ASTN2: variants seen among roughly 807,000 people sequenced by gnomAD.
ASTN2 encodes astrotactin 2.
Under a neutral mutation model 139.8 loss-of-function variants are expected in ASTN2, and 54 were observed. The ratio of observed to expected loss-of-function variants is 0.39; its 90% confidence interval spans 0.31 to 0.48. ASTN2 has a LOEUF of 0.48. Among genes scored for constraint, ASTN2 ranks in the 20% least tolerant of loss-of-function variants. The probability of loss-of-function intolerance (pLI) is 0.95; values close to 1 mark genes in which losing one functional copy is unlikely to be tolerated. For missense variants in ASTN2, 1,565 were observed against 1,725.1 expected (o/e 0.91, Z 1.64); for synonymous variants, 756 against 719.5 (o/e 1.05, Z -0.81).
chr9:117,163,870 G>A (rs1830608722), intron 3 of ASTN2, among the ~76,000 whole-genome samples: 1 of 151,988 alleles, frequency 6.6e-6, no homozygotes, highest in East Asian at 1.9e-4. Context: ...ATGTGTGATT[G>A]CTACCAATTG....
rs191031306 is a variant in ASTN2, at chr9:116,743,317, G to A, written c.2397-9794C>T. ...TGTAATCCCAGCACTTTGGGAGGCC[G>A]AGGCAGGCAGATCTTGAGGTCAGGA... On this transcript the variant is annotated intron_variant, in intron 13 of 22. Transcript: ENST00000313400. Among the ~76,000 whole-genome samples the A allele has an allele frequency of 3.7e-3, 560 of 152,266 alleles. 4 individuals are homozygous for A. Among genetic ancestry groups the A allele is most frequent in the African/African-American group, 0.013 (527 of 41,570 alleles).
intron 2 of ASTN2, among the ~76,000 whole-genome samples, chr9:117,236,655 G>A (rs1833053646): frequency 6.6e-6 from 1 of 152,126 alleles, no homozygotes; most frequent in South Asian, 2.1e-4. Flanking sequence ...ATGGATAGAT[G>A]GATGGACAGA....
At chr9:117,177,379 C>T (rs181863694) in intron 3 of ASTN2, among the ~76,000 whole-genome samples, 92 of 152,208 alleles carry the variant, frequency 6.0e-4, no homozygotes, top group Non-Finnish European at 1.3e-3. Context: ...GTGGAGAAAC[C>T]TGGAACAGAA....
intron 19 of ASTN2, among the ~76,000 whole-genome samples, chr9:116,599,082 T>C (rs989544027): frequency 1.3e-5 from 2 of 152,154 alleles, no homozygotes; most frequent in Admixed American, 6.5e-5. Flanking sequence ...GAAGTTAATG[T>C]AGTGGGTTGG....
chr9:116,823,808 T>C (rs928685651), intron 11 of ASTN2, among the ~76,000 whole-genome samples: 1 of 152,200 alleles, frequency 6.6e-6, no homozygotes, highest in Non-Finnish European at 1.5e-5. Flanking sequence ...CCTAAGTACA[T>C]GAAGTGGGTT....
Position 117,226,801 on chromosome 9 carries a change from C to T in ASTN2, c.631-12059G>A, listed in dbSNP as rs534681955. 2.0e-5 allele frequency among the ~76,000 whole-genome samples: 3 copies of T among 152,246 alleles called. No individual in the cohort carries two copies. In the East Asian group the frequency reaches 5.8e-4, roughly 29 times the overall value. On this transcript the variant is annotated intron_variant, in intron 2 of 22. Coordinates refer to ENST00000313400, the MANE Select transcript of ASTN2 (RefSeq NM_001365068.1). ...GCTGCTACAATCATCTTGAAATGTT[C>T]GGTGTGTCTGGAGAGTCGGCAGAAT...
Position 116,699,292 on chromosome 9 carries a change from A to T in ASTN2, c.2806+26479T>A. ...TGCCTATGTAGTGCTGTGCGGCCCA[A>T]ATTTGTCACCTGTGATGCTGAGGGC... is the stretch of plus-strand genomic sequence containing the variant. On this transcript the variant is annotated intron_variant, in intron 16 of 22. Coordinates refer to ENST00000313400, the MANE Select transcript of ASTN2 (RefSeq NM_001365068.1). The surrounding 1 kb of genome is among the most constrained non-coding windows in gnomAD (Gnocchi z 4.2). The T allele has an allele frequency of 6.2e-7, 1 of 1,614,190 alleles. No homozygotes were observed. Among genetic ancestry groups the T allele is most frequent in the Non-Finnish European group, 8.5e-7 (1 of 1,180,046 alleles).
intron 2 of ASTN2, among the ~76,000 whole-genome samples, chr9:117,238,800 G>A (rs962099180): frequency 7.2e-5 from 11 of 152,180 alleles, no homozygotes; most frequent in African/African-American, 2.7e-4. Context: ...GCTAGTAAGT[G>A]TGTGTGAAGT....
chr9:117,184,365 G>A (rs974771045), intron 3 of ASTN2, among the ~76,000 whole-genome samples: 10 of 152,162 alleles, frequency 6.6e-5, no homozygotes, highest in Admixed American at 3.9e-4. Flanking sequence ...GATGAACAGC[G>A]CCAATCAGGC....
chr9:116,889,633 C>T lies in ASTN2; in HGVS notation c.1890-25900G>A, dbSNP rs559191687. ...TGCAGTGGTGGCTCATGCCTGTAAT[C>T]CTAGCACTTTGTGAGGCCGAGGCAG... On this transcript the variant is annotated intron_variant, in intron 10 of 22. Coordinates refer to ENST00000313400, the MANE Select transcript of ASTN2 (RefSeq NM_001365068.1). Among the ~76,000 whole-genome samples, 14 of 151,670 alleles carry T rather than the reference C, an allele frequency of 9.2e-5. No individual in the cohort carries two copies. The East Asian group carries it at 2.7e-3, about 29-fold the overall frequency.
At chr9:117,255,484 G>T (rs1309659064) in intron 2 of ASTN2, among the ~76,000 whole-genome samples, 6 of 152,200 alleles carry the variant, frequency 3.9e-5, no homozygotes, top group Non-Finnish European at 7.4e-5. Context: ...ATACATTGAT[G>T]AATGTTAGAG....
At chr9:117,386,786 T>G (rs546727448) in intron 1 of ASTN2, among the ~76,000 whole-genome samples, 2 of 152,278 alleles carry the variant, frequency 1.3e-5, no homozygotes, top group East Asian at 3.9e-4. Context: ...GACCCACATG[T>G]GCTGCAGCAC....
chr9:116,717,530 T>C (rs1435722605), intron 16 of ASTN2, among the ~76,000 whole-genome samples: 2 of 152,058 alleles, frequency 1.3e-5, no homozygotes, highest in Admixed American at 6.5e-5. Context: ...TACAAATAAC[T>C]GCACAGAAGC....
chr9:116,509,152 T>C (rs987935693), intron 19 of ASTN2, among the ~76,000 whole-genome samples: 7 of 152,068 alleles, frequency 4.6e-5, no homozygotes, highest in Non-Finnish European at 1.0e-4. Context: ...ATGCTATCAC[T>C]CCCCCTTCCC....
chr9:116,988,159 T>C (rs1180514169), intron 7 of ASTN2, among the ~76,000 whole-genome samples: 1 of 152,192 alleles, frequency 6.6e-6, no homozygotes, highest in Non-Finnish European at 1.5e-5. Flanking sequence ...GTTGTTAGGG[T>C]GGTGAGAGAC....
At chr9:117,286,200 A>G (rs1834445726) in intron 2 of ASTN2, among the ~76,000 whole-genome samples, 1 of 152,212 alleles carries the variant, frequency 6.6e-6, no homozygotes, top group Admixed American at 6.5e-5. Flanking sequence ...TGAAATATAT[A>G]TTGAAATGCC....
intron 2 of ASTN2, among the ~76,000 whole-genome samples, chr9:117,217,495 A>G (rs1832364077): frequency 6.6e-6 from 1 of 152,162 alleles, no homozygotes; most frequent in South Asian, 2.1e-4. Context: ...CCTTCCTTGT[A>G]TCCTTTGCCT....
At chr9:117,241,891 C>A (rs1419389640) in intron 2 of ASTN2, among the ~76,000 whole-genome samples, 1 of 151,348 alleles carries the variant, frequency 6.6e-6, no homozygotes, top group Non-Finnish European at 1.5e-5. Context: ...TTGTCACCAT[C>A]CAAAAATGCA....
At chr9:116,480,332 G>A (rs1159144868) in intron 20 of ASTN2, among the ~76,000 whole-genome samples, 2 of 152,198 alleles carry the variant, frequency 1.3e-5, no homozygotes, top group Non-Finnish European at 2.9e-5. Flanking sequence ...CATAGTGGGT[G>A]TCTCCTGAAT....
Sources: allele counts gnomAD v4.1 joint callset (sites outside exome capture counted in the v4.1 genomes callset), GRCh38; gene constraint gnomAD v4.1.1; non-coding constraint Gnocchi (gnomAD v3.1); transcripts MANE v1.5; gene names NCBI Gene and HGNC (gene_info 2026-07-23, HGNC 2026-07-21).